STAG1: variants seen among roughly 807,000 people sequenced by gnomAD.
STAG1 encodes STAG1 cohesin complex component, also known as cohesin subunit SA-1.
Under a neutral mutation model 170.9 loss-of-function variants are expected in STAG1, and 26 were observed. That is an observed-to-expected ratio of 0.15 (90% CI 0.11 to 0.21). The LOEUF is 0.21. STAG1 is among the 10% of genes least tolerant of loss of function. The pLI, the probability that STAG1 is intolerant of heterozygous loss-of-function variation, is 1.00. For missense variants in STAG1, 964 were observed against 1,509.5 expected, an observed-to-expected ratio of 0.64 and a Z score of 5.99; for synonymous variants, 514 against 497.7, an observed-to-expected ratio of 1.03 and a Z score of -0.44.
intron 5 of STAG1, among the ~76,000 whole-genome samples, chr3:136,548,585 A>G (rs949337911): frequency 2.6e-5 from 4 of 152,210 alleles, no homozygotes; most frequent in African/African-American, 9.6e-5. Flanking sequence ...ATTTTGATAG[A>G]AATTTCACTG....
At chr3:136,747,044 C>A (rs982358059) in intron 1 of STAG1, among the ~76,000 whole-genome samples, 1 of 136,946 alleles carries the variant, frequency 7.3e-6, no homozygotes, top group African/African-American at 2.9e-5. Flanking sequence ...TGCAGTGAGC[C>A]GAGATTGCAC....
At chr3:136,674,314 CA>C (rs1193879578) in intron 1 of STAG1, among the ~76,000 whole-genome samples, 2 of 151,936 alleles carry the variant, frequency 1.3e-5, no homozygotes, top group Non-Finnish European at 2.9e-5. Flanking sequence ...TACTCACCAA[CA>C]AAAAAAGAAT....
At chr3:136,523,942 C>A (rs962184553) in intron 6 of STAG1, among the ~76,000 whole-genome samples, 1 of 149,444 alleles carries the variant, frequency 6.7e-6, no homozygotes, top group African/African-American at 2.4e-5. Context: ...CTGCTCTGTT[C>A]CATAGGTCTA....
chr3:136,490,820 T>C (rs562498646), intron 9 of STAG1, among the ~76,000 whole-genome samples: 3 of 152,348 alleles, frequency 2.0e-5, no homozygotes, highest in Admixed American at 2.0e-4. Flanking sequence ...TTTCATCTTC[T>C]CAAAAGTACT....
chr3:136,393,998 T>C (rs935756547), intron 22 of STAG1, among the ~76,000 whole-genome samples: 3 of 152,134 alleles, frequency 2.0e-5, no homozygotes, highest in Non-Finnish European at 4.4e-5. Context: ...GCCTCCTGGG[T>C]TCAATCGATT....
intron 1 of STAG1, among the ~76,000 whole-genome samples, chr3:136,678,870 A>AAAG (rs1942231011): frequency 6.6e-6 from 1 of 150,794 alleles, no homozygotes; most frequent in Non-Finnish European, 1.5e-5. Context: ...AAAAAAAGAA[A>AAAG]AAGAAGAAAA....
At chr3:136,383,026 T>A (rs1938063114) in intron 22 of STAG1, among the ~76,000 whole-genome samples, 1 of 152,204 alleles carries the variant, frequency 6.6e-6, no homozygotes, top group African/African-American at 2.4e-5. Flanking sequence ...GATGTTGGCC[T>A]GTTACTATAC....
intron 9 of STAG1, among the ~76,000 whole-genome samples, chr3:136,488,302 T>C (rs1214242380): frequency 6.6e-6 from 1 of 152,142 alleles, no homozygotes; most frequent in East Asian, 1.9e-4. Flanking sequence ...TTTGTATTTT[T>C]AGTAGAAACA....
chr3:136,456,993 T>TA (rs1421808223), intron 13 of STAG1, among the ~76,000 whole-genome samples: 11 of 152,188 alleles, frequency 7.2e-5, no homozygotes, highest in African/African-American at 9.7e-5. Context: ...AGCTGCCTTA[T>TA]AAAAAATGCC....
At chr3:136,343,684 G>T in intron 30 of STAG1, 148 bp downstream of exon 30, 1 of 495,412 alleles carries the variant, frequency 2.0e-6, no homozygotes, top group Non-Finnish European at 3.3e-6. Context: ...ACTTTTTATA[G>T]CTCTTCTCAC....
chr3:136,617,583 T>G (rs1215512506), intron 3 of STAG1, among the ~76,000 whole-genome samples: 1 of 152,128 alleles, frequency 6.6e-6, no homozygotes, highest in African/African-American at 2.4e-5. Flanking sequence ...TTAGTCCTCA[T>G]AAAACCTGGT....
intron 22 of STAG1, among the ~76,000 whole-genome samples, chr3:136,394,547 G>A (rs1340661930): frequency 2.6e-5 from 4 of 151,672 alleles, no homozygotes; most frequent in Admixed American, 6.6e-5. Context: ...AGGCTGAGGC[G>A]GGTGGACTGC....
At chr3:136,567,690 G>C (rs901306157) in intron 5 of STAG1, among the ~76,000 whole-genome samples, 1 of 152,110 alleles carries the variant, frequency 6.6e-6, no homozygotes, top group African/African-American at 2.4e-5. Context: ...CTTGCTAACT[G>C]TATGATCTGG....
intron 9 of STAG1, among the ~76,000 whole-genome samples, chr3:136,490,018 T>C (rs1204918595): frequency 6.6e-6 from 1 of 152,168 alleles, no homozygotes; most frequent in African/African-American, 2.4e-5. Context: ...TTACTAGAGT[T>C]ATTTAATTTT....
chr3:136,520,471 G>A (rs1290589766), intron 7 of STAG1, among the ~76,000 whole-genome samples: 2 of 152,002 alleles, frequency 1.3e-5, no homozygotes, highest in Non-Finnish European at 2.9e-5. Context: ...CACTCAACAA[G>A]TATACACACA....
At chr3:136,703,562 G>T (rs968558252) in intron 1 of STAG1, among the ~76,000 whole-genome samples, 17 of 152,202 alleles carry the variant, frequency 1.1e-4, no homozygotes, top group South Asian at 2.1e-4. Flanking sequence ...TTCTTTACTG[G>T]ATTCAGACAC....
chr3:136,580,102 G>A (rs960293445), intron 4 of STAG1, among the ~76,000 whole-genome samples: 2 of 151,064 alleles, frequency 1.3e-5, no homozygotes, highest in African/African-American at 4.9e-5. Flanking sequence ...CAAGTAGCTG[G>A]GACTACAGGC....
At chr3:136,477,466 T>A (rs950368742) in intron 9 of STAG1, 54 bp from the exon 10 acceptor site, 1 of 1,467,852 alleles carries the variant, frequency 6.8e-7, no homozygotes, top group African/African-American at 1.4e-5. Flanking sequence ...CTAGAATGCA[T>A]TCATACTCGC....
intron 1 of STAG1, among the ~76,000 whole-genome samples, chr3:136,726,488 A>G (rs1933696173): frequency 6.6e-6 from 1 of 152,214 alleles, no homozygotes; most frequent in African/African-American, 2.4e-5. Context: ...CAGCAGCACA[A>G]TCTCGGCTCA....
Sources: gnomAD v4.1 joint callset for allele counts (sites outside exome capture counted in the v4.1 genomes callset) on GRCh38, gnomAD v4.1.1 for gene constraint, MANE v1.5 for transcripts, NCBI Gene and HGNC (gene_info 2026-07-23, HGNC 2026-07-21) for gene names.